The following RAB15 variants were observed in gnomAD, a reference collection of about 807,000 sequenced individuals.
RAB15 encodes ras-related protein Rab-15.
Under a neutral mutation model 31.8 loss-of-function variants are expected in RAB15, and 13 were observed. That is an observed-to-expected ratio of 0.41 (90% CI 0.27 to 0.65). RAB15 has a LOEUF of 0.65. RAB15 is among the 30% of genes least tolerant of loss of function. RAB15 has a pLI of 0.32. For synonymous variants in RAB15, 100 were observed against 105.6 expected (o/e 0.95, Z 0.33); for missense variants, 220 against 277.3 (o/e 0.79, Z 1.47).
At chr14:64,960,068 T>G (rs1231773777) in intron 1 of RAB15, among the ~76,000 whole-genome samples, 1 of 152,166 alleles carries the variant, frequency 6.6e-6, no homozygotes, top group Non-Finnish European at 1.5e-5. Context: ...CTTCCTGCTG[T>G]GACTCTGTCT....
chr14:64,956,762 GA>G (rs143082875), intron 1 of RAB15, among the ~76,000 whole-genome samples: 26,941 of 152,050 alleles, frequency 0.18, 2,571 homozygotes, highest in South Asian at 0.26. Context: ...GTGAGGCCCA[GA>G]AATCTGTATT....
At chr14:64,961,543 G>A (rs1392306729) in intron 1 of RAB15, among the ~76,000 whole-genome samples, 1 of 152,184 alleles carries the variant, frequency 6.6e-6, no homozygotes, top group East Asian at 1.9e-4. Context: ...TCTGCAGCCA[G>A]GGCACTCTGG....
rs1349214543 is a variant in RAB15, at chr14:64,970,616, A to T, written c.124+1337T>A. On this transcript the variant is annotated intron_variant, in intron 1 of 6. Coordinates refer to ENST00000533601, the MANE Select transcript of RAB15 (RefSeq NM_001308154.2). This position sits in a 1 kb window ranked among gnomAD's most constrained non-coding sequence, Gnocchi z 4.1. The stretch of plus-strand genomic sequence containing the variant: ...CAGTAAGAACAATCAGCATTTATCG[A>T]GCTTCACCATGTGTCTGGCTGTGCT... 1.3e-5 allele frequency among the ~76,000 whole-genome samples: 2 copies of T among 152,198 alleles called. No individual in the cohort carries two copies. The highest frequency in any genetic ancestry group is 2.9e-5 in the Non-Finnish European group (2 of 68,032).
Position 64,948,603 on chromosome 14 carries a change from C to T in RAB15, c.480+65G>A. On this transcript the variant is annotated intron_variant, in intron 6 of 6. Coordinates refer to ENST00000533601, the MANE Select transcript of RAB15 (RefSeq NM_001308154.2). The surrounding 1 kb of genome is among the most constrained non-coding windows in gnomAD (Gnocchi z 7.0). ...CTGAGGGATAAGGTCCATCTTATGG[C>T]TCCTCCTCCCACCTCTGCTGGACTC... The T allele has an allele frequency of 1.2e-6, 2 of 1,609,914 alleles. No homozygotes were observed. Among genetic ancestry groups the T allele is most frequent in the Non-Finnish European group, 1.7e-6 (2 of 1,176,938 alleles).
chr14:64,961,267 G>A (rs1440722753), intron 1 of RAB15, among the ~76,000 whole-genome samples: 1 of 152,202 alleles, frequency 6.6e-6, no homozygotes, highest in Non-Finnish European at 1.5e-5. Context: ...TGCACCTCCT[G>A]TGGGTTGTGG....
At chr14:64,961,679 G>A (rs1886867391) in intron 1 of RAB15, among the ~76,000 whole-genome samples, 1 of 152,024 alleles carries the variant, frequency 6.6e-6, no homozygotes, top group Non-Finnish European at 1.5e-5. Context: ...AAGCCAAGGT[G>A]TGAGGATCAC....
rs116928719 is a variant in RAB15 at position 64,950,038 on chromosome 14, G to A, written c.414+287C>T. Among the ~76,000 whole-genome samples the A allele has an allele frequency of 0.013, 2,018 of 152,302 alleles. 24 individuals carry two copies. Among genetic ancestry groups the A allele is most frequent in the Middle Eastern group, 0.027 (8 of 294 alleles). On this transcript the variant is annotated intron_variant, in intron 5 of 6. Transcript: ENST00000533601. This position sits in a 1 kb window ranked among gnomAD's most constrained non-coding sequence, Gnocchi z 5.6. ...TGAAGTCCTTCATTACTAACACGGGGATGATCTCTTAAGCAGAGGGCAATC... is the reference window on the plus strand; with the variant it reads ...TGAAGTCCTTCATTACTAACACGGGAATGATCTCTTAAGCAGAGGGCAATC...
chr14:64,953,717 C>CA lies in RAB15; in HGVS notation c.125-1147dup. On this transcript the variant is annotated intron_variant, in intron 1 of 6. Coordinates refer to ENST00000533601, the MANE Select transcript of RAB15 (RefSeq NM_001308154.2). The surrounding 1 kb of genome is among the most constrained non-coding windows in gnomAD (Gnocchi z 4.6). ...TTGTTTTGCTGACCATGCCTCTCCC[C>CA]AACTCTAACTATACCCAGGCACTAT... is the stretch of plus-strand genomic sequence containing the variant. 3.4e-6 allele frequency: 3 copies of CA among 872,986 alleles called. No homozygotes were observed. The highest frequency in any genetic ancestry group is 4.1e-6 in the Non-Finnish European group (3 of 727,382). The allele number at this position is 872,986 out of a possible 1,614,324, so 54.1% of individuals were successfully genotyped here.
Position 64,950,225 on chromosome 14 carries a change from C to T in RAB15, c.414+100G>A. On this transcript the variant is annotated intron_variant, in intron 5 of 6. Coordinates refer to ENST00000533601, the MANE Select transcript of RAB15 (RefSeq NM_001308154.2). The surrounding 1 kb of genome is among the most constrained non-coding windows in gnomAD (Gnocchi z 5.6). Reference sequence around the variant, plus strand: ...GGGGTGCTGGGGACGTGTGGGAGGACCTGCCACTGGGGAACACACCCCTAG... The same window carrying T: ...GGGGTGCTGGGGACGTGTGGGAGGATCTGCCACTGGGGAACACACCCCTAG... 1 of 961,522 alleles carries T rather than the reference C, an allele frequency of 1.0e-6. No individual in the cohort carries two copies. The highest frequency in any genetic ancestry group is 1.3e-5 in the South Asian group (1 of 76,968). The allele number at this position is 961,522 out of a possible 1,614,324, so 59.6% of individuals were successfully genotyped here.
Position 64,968,836 on chromosome 14 carries a change from G to T in RAB15, c.124+3117C>A, listed in dbSNP as rs760350460. 1.3e-5 allele frequency among the ~76,000 whole-genome samples: 2 copies of T among 152,216 alleles called. No homozygotes were observed. Among genetic ancestry groups the T allele is most frequent in the Non-Finnish European group, 2.9e-5 (2 of 68,028 alleles). ...GCTGCACAGAAAGGAAATGCCTGTG[G>T]CAGAGCCAGTGGCAGGGCCACCTGC... On this transcript the variant is annotated intron_variant, in intron 1 of 6. Transcript: ENST00000533601. This position sits in a 1 kb window ranked among gnomAD's most constrained non-coding sequence, Gnocchi z 4.9.
At chr14:64,960,240 C>T (rs931352281) in intron 1 of RAB15, among the ~76,000 whole-genome samples, 4 of 152,204 alleles carry the variant, frequency 2.6e-5, no homozygotes, top group Admixed American at 6.5e-5. Context: ...CCAGCACTCA[C>T]GTGACTCCTA....
At chr14:64,965,238 A>T (rs28493109) in intron 1 of RAB15, among the ~76,000 whole-genome samples, 18,179 of 151,994 alleles carry the variant, frequency 0.12, 1,463 homozygotes, top group African/African-American at 0.22. Context: ...TGGGTGGATC[A>T]GCTGAGGTCA....
chr14:64,959,077 C>A (rs1886723262), intron 1 of RAB15, among the ~76,000 whole-genome samples: 1 of 152,220 alleles, frequency 6.6e-6, no homozygotes, highest in African/African-American at 2.4e-5. Flanking sequence ...CCAGGCAGGG[C>A]AGTGGGGACT....
Position 64,953,427 on chromosome 14 carries a change from G to C in RAB15, c.125-856C>G, listed in dbSNP as rs1354641768. On this transcript the variant is annotated intron_variant, in intron 1 of 6. Coordinates refer to ENST00000533601, the MANE Select transcript of RAB15 (RefSeq NM_001308154.2). This position sits in a 1 kb window ranked among gnomAD's most constrained non-coding sequence, Gnocchi z 4.6. ...AGTGCAGGGCCGGGTACATGCGGGT[G>C]CTTATGAGTGACTGTCATAGGACCA... 6.6e-6 allele frequency among the ~76,000 whole-genome samples: 1 copy of C among 152,192 alleles called. No individual in the cohort carries two copies. Among genetic ancestry groups the C allele is most frequent in the African/African-American group, 2.4e-5 (1 of 41,442 alleles).
Position 64,945,931 on chromosome 14 carries a change from T to C in RAB15, c.*2423A>G, listed in dbSNP as rs1885895513. 1 of 152,532 alleles carries C rather than the reference T, an allele frequency of 6.6e-6. No homozygotes were observed. The highest frequency in any genetic ancestry group is 1.5e-5 in the Non-Finnish European group (1 of 68,076). 9.4% of individuals were successfully genotyped at this position (152,532 alleles called of 1,614,324 possible). A position where few individuals can be genotyped will look rare whatever the true frequency, so the allele number is the denominator to read the frequency against. On this transcript the variant is annotated 3_prime_UTR_variant, in exon 7 of 7. Coordinates refer to ENST00000533601, the MANE Select transcript of RAB15 (RefSeq NM_001308154.2). ...ACGAAGTTCACCCGTCACAGGGAGA[T>C]AGTGGAGGCTCAGGAGCAGGTGGCG...
In RAB15 at chr14:64,952,986, T is replaced by C. The variant is rs1479844840; in HGVS notation, c.125-415A>G. Among the ~76,000 whole-genome samples the C allele has an allele frequency of 6.6e-6, 1 of 152,238 alleles. No homozygotes were observed. Among genetic ancestry groups the C allele is most frequent in the Non-Finnish European group, 1.5e-5 (1 of 68,042 alleles). On this transcript the variant is annotated intron_variant, in intron 1 of 6. Coordinates refer to ENST00000533601, the MANE Select transcript of RAB15 (RefSeq NM_001308154.2). The surrounding 1 kb of genome is among the most constrained non-coding windows in gnomAD (Gnocchi z 4.2). Reference sequence around the variant, plus strand: ...GGAATAGCAACCCACATTATTTGCCTGCTTTCTTCCCTCTCTCTCTTTGCC... The same window carrying C: ...GGAATAGCAACCCACATTATTTGCCCGCTTTCTTCCCTCTCTCTCTTTGCC...
In RAB15 at chr14:64,951,183, T is replaced by C. The variant is rs1414946790; in HGVS notation, c.247-32A>G. Reference sequence around the variant, plus strand: ...GAGAGAGAAATAGAGAGATGTGATATGCACAGAGAGAGTGCAGTCATGGGG... The same window carrying C: ...GAGAGAGAAATAGAGAGATGTGATACGCACAGAGAGAGTGCAGTCATGGGG... On this transcript the variant is annotated intron_variant, in intron 3 of 6. Transcript: ENST00000533601. The surrounding 1 kb of genome is among the most constrained non-coding windows in gnomAD (Gnocchi z 7.2). The C allele has an allele frequency of 1.9e-6, 3 of 1,561,298 alleles. No individual in the cohort carries two copies. The highest frequency in any genetic ancestry group is 2.6e-6 in the Non-Finnish European group (3 of 1,136,556).
intron 1 of RAB15, among the ~76,000 whole-genome samples, chr14:64,961,092 A>G (rs2412106): frequency 0.48 from 73,082 of 152,092 alleles, 20,499 homozygotes; most frequent in African/African-American, 0.78. Context: ...TGCGACCTGA[A>G]CTTTTCATTA....
intron 1 of RAB15, among the ~76,000 whole-genome samples, chr14:64,965,174 T>C (rs2139998488): frequency 6.6e-6 from 1 of 151,836 alleles, no homozygotes; most frequent in Admixed American, 6.6e-5. Context: ...AGAGATGGGG[T>C]CGGCCAGCCA....
Sources: allele counts gnomAD v4.1 joint callset (sites outside exome capture counted in the v4.1 genomes callset), GRCh38; gene constraint gnomAD v4.1.1; non-coding constraint Gnocchi (gnomAD v3.1); transcripts MANE v1.5; gene names NCBI Gene and HGNC (gene_info 2026-07-23, HGNC 2026-07-21).